Variants in C2CD3 observed in about 807,000 individuals in gnomAD.
C2CD3 encodes C2 domain containing 3 centriole elongation regulator.
C2CD3 carries 148 observed loss-of-function variants against 234.0 expected under a neutral mutation model. The ratio of observed to expected loss-of-function variants is 0.63; its 90% CI spans 0.55 to 0.72. C2CD3 has a LOEUF of 0.72. Ranked by LOEUF, C2CD3 falls within the 30% of genes least tolerant of loss-of-function variation. The probability of loss-of-function intolerance (pLI) is 0.00; values close to 1 mark genes in which losing one functional copy is unlikely to be tolerated. For missense variants in C2CD3, 2,577 were observed against 2,811.5 expected (o/e 0.92, Z 1.89); for synonymous variants, 1,000 against 1,035.4 (o/e 0.97, Z 0.66).
rs947208973 is a variant in C2CD3, at chr11:74,033,353, C to A, written c.6807G>T (p.Leu2269=). ...TTGTGGGAAATGCCAAAGGATACAGCAGGAGGCTCTGCTTTGTGGACGTCT... is the reference window on the plus strand; with the variant it reads ...TTGTGGGAAATGCCAAAGGATACAGAAGGAGGCTCTGCTTTGTGGACGTCT... The part of the protein sequence containing the change: ...GSETSTKQSL[L]LPGPIVVPNF... The change falls in exon 31 of 33, where the codon CTG becomes CTT. Residue 2269 remains leucine, a splice_region_variant and synonymous_variant. Transcript: ENST00000334126. 1.3e-6 allele frequency: 2 copies of A among 1,535,482 alleles called. No homozygotes were observed. Among genetic ancestry groups the A allele is most frequent in the Non-Finnish European group, 1.7e-6 (2 of 1,146,590 alleles).
chr11:74,113,435 T>C (rs1413961523), intron 11 of C2CD3: 1 of 284,344 alleles, frequency 3.5e-6, no homozygotes, highest in African/African-American at 2.3e-5. Flanking sequence ...TCCCAGCACT[T>C]TGGGAGGCCG....
rs763570869 is a variant in C2CD3 at position 74,074,399 on chromosome 11, CAGG to C, written c.4802_4804del (p.Ser1601del). 6.2e-7 allele frequency: 1 copy of C among 1,614,182 alleles called. No individual in the cohort carries two copies. The highest frequency in any genetic ancestry group is 1.1e-5 in the South Asian group (1 of 91,076). On this transcript the variant is annotated inframe_deletion, in exon 24 of 33. Transcript: ENST00000334126. Reference sequence around the variant, plus strand: ...GGTGGAGGCAGGAGACTTCTGGTGGCAGGAGATGACTTCTGGTGGAGAGAGCTG... The same window carrying C: ...GGTGGAGGCAGGAGACTTCTGGTGGCAGATGACTTCTGGTGGAGAGAGCTG...
chr11:74,099,771 C>T (rs1245251271), intron 15 of C2CD3, among the ~76,000 whole-genome samples: 1 of 151,982 alleles, frequency 6.6e-6, no homozygotes, highest in Non-Finnish European at 1.5e-5. Context: ...TGGCAGGTGC[C>T]TGTAGTCCCA....
At chr11:74,101,983 A>G (rs114548726) in intron 14 of C2CD3, among the ~76,000 whole-genome samples, 1,826 of 152,254 alleles carry the variant, frequency 0.012, 37 homozygotes, top group African/African-American at 0.042. Context: ...TTGGTGCATA[A>G]AGGAGGCAAT....
intron 24 of C2CD3, among the ~76,000 whole-genome samples, chr11:74,065,756 CTTT>C (rs1954492424): frequency 6.6e-6 from 1 of 151,658 alleles, no homozygotes; most frequent in African/African-American, 2.4e-5. Context: ...AGTTCATGTC[CTTT>C]GTAAGGACAT....
At chr11:74,027,722 G>A (rs1565206423) in intron 32 of C2CD3, among the ~76,000 whole-genome samples, 1 of 152,186 alleles carries the variant, frequency 6.6e-6, no homozygotes, top group African/African-American at 2.4e-5. Context: ...GTACTCAAAA[G>A]CAGTTATTAT....
At chr11:74,097,258 A>G (rs1216129425) in intron 16 of C2CD3, among the ~76,000 whole-genome samples, 1 of 152,228 alleles carries the variant, frequency 6.6e-6, no homozygotes, top group Non-Finnish European at 1.5e-5. Flanking sequence ...TTTCCCTGCT[A>G]GAGACATTTA....
At chr11:74,141,840 TA>T (rs1195713149) in intron 3 of C2CD3, among the ~76,000 whole-genome samples, 6 of 147,276 alleles carry the variant, frequency 4.1e-5, no homozygotes, top group Non-Finnish European at 6.0e-5. Flanking sequence ...ACAAAAAATT[TA>T]AAAAAAAAAA....
At chr11:74,054,177 C>A (rs1199079282) in intron 26 of C2CD3, among the ~76,000 whole-genome samples, 1 of 150,104 alleles carries the variant, frequency 6.7e-6, no homozygotes, top group African/African-American at 2.5e-5. Flanking sequence ...GGGGCTGAGG[C>A]AGGAGAATGG....
In C2CD3 at chr11:74,133,504, T is replaced by G. The variant is rs779866787; in HGVS notation, c.1009A>C (p.Lys337Gln). The change falls in exon 6 of 33, where the codon AAA becomes CAA. Residue 337 changes from lysine (K) to glutamine (Q), a missense_variant. Coordinates refer to ENST00000334126, the MANE Select transcript of C2CD3 (RefSeq NM_001286577.2). ...AACATGCTGGTCTCTGGGCTTGATT[T>G]CATTGCAGAAATCACCATGGCATTA... ...LRNAMVISAM[K>Q]SSPETSMLLD... 1.4e-5 allele frequency: 22 copies of G among 1,614,068 alleles called. No individual in the cohort carries two copies. The highest frequency in any genetic ancestry group is 1.6e-5 in the Non-Finnish European group (19 of 1,179,930).
chr11:74,036,512 T>C (rs1474184821), intron 30 of C2CD3: 1 of 456,080 alleles, frequency 2.2e-6, no homozygotes, highest in Admixed American at 2.3e-5. Flanking sequence ...AAAGAAGGTT[T>C]GTACTTAGTG....
intron 3 of C2CD3, among the ~76,000 whole-genome samples, chr11:74,149,630 C>G (rs76164291): frequency 0.067 from 10,172 of 151,470 alleles, 851 homozygotes; most frequent in African/African-American, 0.2. Context: ...TCTCCCAGAG[C>G]CTTAGCATAT....
At chr11:74,092,609 C>T (rs368224423) in intron 18 of C2CD3, 21 bp from the exon 19 acceptor site, 11 of 1,596,414 alleles carry the variant, frequency 6.9e-6, no homozygotes, top group Middle Eastern at 1.7e-4. Context: ...CAAAAGCACA[C>T]GTTGTCAGAA....
At chr11:74,134,687 C>A (rs1488419255) in intron 5 of C2CD3, among the ~76,000 whole-genome samples, 1 of 151,540 alleles carries the variant, frequency 6.6e-6, no homozygotes, top group Non-Finnish European at 1.5e-5. Flanking sequence ...ATGGTTAGGC[C>A]AAGAAAAAAA....
At chr11:74,166,573 C>T (rs970107870) in intron 2 of C2CD3, among the ~76,000 whole-genome samples, 3 of 152,152 alleles carry the variant, frequency 2.0e-5, no homozygotes, top group Non-Finnish European at 4.4e-5. Flanking sequence ...ATTCTGGCTT[C>T]TTAATAACAT....
chr11:74,133,817 G>A (rs1957763119), intron 5 of C2CD3, among the ~76,000 whole-genome samples: 1 of 152,148 alleles, frequency 6.6e-6, no homozygotes, highest in Admixed American at 6.5e-5. Flanking sequence ...ACCTCTTGTG[G>A]GGGTTGTTAT....
At position 74,152,089 on chromosome 11, in the gene C2CD3, T is replaced by C. The variant is rs186533279; in HGVS notation, c.483+9310A>G. Among the ~76,000 whole-genome samples, 116 of 152,310 alleles carry C rather than the reference T, an allele frequency of 7.6e-4. 1 individual carries two copies. The highest frequency in any genetic ancestry group is 6.3e-3 in the Admixed American group (96 of 15,298). ...TAGAAAAATGTCAAGCAGTCTAAGA[T>C]ACTTTGAAGTCTCATGAAATCACAT... On this transcript the variant is annotated intron_variant, in intron 3 of 32. Coordinates refer to ENST00000334126, the MANE Select transcript of C2CD3 (RefSeq NM_001286577.2).
At chr11:74,077,944 A>G (rs1955147144) in intron 23 of C2CD3, among the ~76,000 whole-genome samples, 171 bp downstream of exon 23, 1 of 150,404 alleles carries the variant, frequency 6.6e-6, no homozygotes, top group African/African-American at 2.4e-5. Flanking sequence ...CTGGGCAGGT[A>G]ACTCAATCTC....
chr11:74,077,845 ATT>A lies in C2CD3; in HGVS notation c.4603+268_4603+269del, dbSNP rs1424202813. 3.2e-4 allele frequency among the ~76,000 whole-genome samples: 9 copies of A among 27,994 alleles called. 1 individual carries two copies. Among genetic ancestry groups the A allele is most frequent in the African/African-American group, 2.3e-3 (7 of 2,990 alleles). 18.4% of individuals were successfully genotyped at this position (27,994 alleles called of 152,430 possible). On this transcript the variant is annotated intron_variant, in intron 23 of 32. Coordinates refer to ENST00000334126, the MANE Select transcript of C2CD3 (RefSeq NM_001286577.2). ...TATATATATATATATATATATATAT[ATT>A]ATCTCTTTAGTTACAAGAAGCACTA...
Sources: gnomAD v4.1 joint callset for allele counts (sites outside exome capture counted in the v4.1 genomes callset) on GRCh38, gnomAD v4.1.1 for gene constraint, MANE v1.5 for transcripts, NCBI Gene and HGNC (gene_info 2026-07-23, HGNC 2026-07-21) for gene names.